BASP1: variants seen among roughly 807,000 people sequenced by gnomAD.
The protein encoded by BASP1 is brain abundant membrane attached signal protein 1.
BASP1 carries 1 observed loss-of-function variant against 2.2 expected under a neutral mutation model. The observed-to-expected ratio is 0.46, with a 90% CI of 0.16 to 2.17. The LOEUF is 2.17. BASP1 is among the 30% of genes most tolerant of loss of function. The pLI, the probability that BASP1 is intolerant of heterozygous loss-of-function variation, is 0.27. For synonymous variants in BASP1, 187 were observed against 154.2 expected, an observed-to-expected ratio of 1.21 and a Z score of -1.58; for missense variants, 352 against 327.2, an observed-to-expected ratio of 1.08 and a Z score of -0.58.
chr5:17,224,691 TATG>T (rs1297229573), intron 1 of BASP1, among the ~76,000 whole-genome samples: 1 of 152,216 alleles, frequency 6.6e-6, no homozygotes. Context: ...TCCTTTCTAG[TATG>T]ATGATTGTGG....
At chr5:17,252,312 A>G (rs1428421264) in intron 1 of BASP1, among the ~76,000 whole-genome samples, 2 of 152,240 alleles carry the variant, frequency 1.3e-5, no homozygotes. Flanking sequence ...GAAGGGCGCC[A>G]CAAGACCATG....
intron 1 of BASP1, among the ~76,000 whole-genome samples, chr5:17,218,169 C>A (rs1450012645): frequency 6.6e-6 from 1 of 150,682 alleles, no homozygotes; most frequent in Non-Finnish European, 1.5e-5. Context: ...CGTTGAGTCC[C>A]GGGGAGACGG....
chr5:17,247,301 G>T (rs1026866271), intron 1 of BASP1, among the ~76,000 whole-genome samples: 3 of 152,260 alleles, frequency 2.0e-5, no homozygotes, highest in African/African-American at 7.2e-5. Context: ...TTCTGAACAT[G>T]TAAAGTATAG....
chr5:17,258,741 T>C (rs898978958), intron 1 of BASP1, among the ~76,000 whole-genome samples: 2 of 152,162 alleles, frequency 1.3e-5, no homozygotes, highest in African/African-American at 4.8e-5. Flanking sequence ...ATACCCTCTG[T>C]TATGTTTTTA....
intron 1 of BASP1, among the ~76,000 whole-genome samples, chr5:17,250,839 C>T (rs1269736049): frequency 2.0e-5 from 3 of 151,900 alleles, no homozygotes; most frequent in Non-Finnish European, 4.4e-5. Context: ...CTACTGACCT[C>T]GTGATCCGCC....
At position 17,267,350 on chromosome 5, in the gene BASP1, G is replaced by T. The variant is rs74394422; in HGVS notation, c.-9-7858G>T. On this transcript the variant is annotated intron_variant, in intron 1 of 1. Coordinates refer to ENST00000322611, the MANE Select transcript of BASP1 (RefSeq NM_006317.5). ...ACCTGACTTTTCTGACAGTTATGAC[G>T]CTATTTGAGATGTCTTCAGTGAGCC... is the stretch of plus-strand genomic sequence containing the variant. 2.6e-3 allele frequency among the ~76,000 whole-genome samples: 397 copies of T among 152,236 alleles called. 1 individual carries two copies. Among genetic ancestry groups the T allele is most frequent in the Non-Finnish European group, 4.5e-3 (305 of 68,024 alleles).
intron 1 of BASP1, among the ~76,000 whole-genome samples, chr5:17,270,726 G>C (rs2126520738): frequency 6.6e-6 from 1 of 152,292 alleles, no homozygotes; most frequent in South Asian, 2.1e-4. Context: ...AATTATCTAA[G>C]AATTTTCAAA....
chr5:17,265,058 T>C (rs568606606), intron 1 of BASP1, among the ~76,000 whole-genome samples: 15 of 152,342 alleles, frequency 9.8e-5, no homozygotes, highest in African/African-American at 3.1e-4. Flanking sequence ...CAGTGATTCT[T>C]ATTACATTAC....
chr5:17,247,272 G>T (rs577783036), intron 1 of BASP1, among the ~76,000 whole-genome samples: 8 of 152,170 alleles, frequency 5.3e-5, no homozygotes, highest in African/African-American at 1.9e-4. Context: ...TTGGATTTCC[G>T]AATGTTGGAT....
chr5:17,276,672 C>G lies in BASP1; in HGVS notation c.*772C>G, dbSNP rs1467970577. 1 of 153,940 alleles carries G rather than the reference C, an allele frequency of 6.5e-6. No homozygotes were observed. Among genetic ancestry groups the G allele is most frequent in the Non-Finnish European group, 1.5e-5 (1 of 66,308 alleles). 9.5% of individuals were successfully genotyped at this position (153,940 alleles called of 1,614,324 possible). A position where few individuals can be genotyped will look rare whatever the true frequency, so the allele number is the denominator to read the frequency against. ...AAAAAAGTCTGCGTTCATTGCAGTTCCAGTTTCTCTTCCATTCTGTGTCAC... is the reference window on the plus strand; with the variant it reads ...AAAAAAGTCTGCGTTCATTGCAGTTGCAGTTTCTCTTCCATTCTGTGTCAC... On this transcript the variant is annotated 3_prime_UTR_variant, in exon 2 of 2. Transcript: ENST00000322611.
rs139893019 is a variant in BASP1, at chr5:17,264,370, C to T, written c.-9-10838C>T. Among the ~76,000 whole-genome samples, 171 of 152,054 alleles carry T rather than the reference C, an allele frequency of 1.1e-3. 5 individuals carry two copies. The East Asian group carries it at 0.029, about 25-fold the overall frequency. On this transcript the variant is annotated intron_variant, in intron 1 of 1. Coordinates refer to ENST00000322611, the MANE Select transcript of BASP1 (RefSeq NM_006317.5). Reference sequence around the variant, plus strand: ...TCTTTCCACTTGTGTAATTATAAACCCAACTTGTTGGTGATGGATTTGCTT... The same window carrying T: ...TCTTTCCACTTGTGTAATTATAAACTCAACTTGTTGGTGATGGATTTGCTT...
Position 17,275,552 on chromosome 5 carries a change from C to G in BASP1, c.336C>G (p.Gly112=). The G allele has an allele frequency of 1.4e-6, 2 of 1,399,634 alleles. No individual in the cohort carries two copies. The highest frequency in any genetic ancestry group is 9.2e-7 in the Non-Finnish European group (1 of 1,081,352). 86.7% of individuals were successfully genotyped at this position (1,399,634 alleles called of 1,614,324 possible). A position where few individuals can be genotyped will look rare whatever the true frequency, so the allele number is the denominator to read the frequency against. Residue 112 remains glycine, a synonymous_variant, in exon 2 of 2, where the codon GGC becomes GGG. Coordinates refer to ENST00000322611, the MANE Select transcript of BASP1 (RefSeq NM_006317.5). The surrounding 1 kb of genome is among the most constrained non-coding windows in gnomAD (Gnocchi z 5.3). ...CCGAGCAGGAGCAGGCGGCCCCCGG[C>G]CCCGCTGCGGGCGGCGAGGCCCCCA... ...KAPEQEQAAP[G]PAAGGEAPKA... is the part of the protein sequence containing the mutation.
At position 17,226,394 on chromosome 5, in the gene BASP1, T is replaced by G. The variant is rs140767753; in HGVS notation, c.-10+8584T>G. 2.5e-3 allele frequency among the ~76,000 whole-genome samples: 382 copies of G among 152,312 alleles called. 4 individuals carry two copies. The highest frequency in any genetic ancestry group is 8.7e-3 in the African/African-American group (360 of 41,562). ...AGTGACTTTGAAAAGACCCACTTCA[T>G]TTTTCCTTTGACAGTCTATTCAAAA... On this transcript the variant is annotated intron_variant, in intron 1 of 1. Coordinates refer to ENST00000322611, the MANE Select transcript of BASP1 (RefSeq NM_006317.5).
At chr5:17,222,907 A>G (rs1739419324) in intron 1 of BASP1, among the ~76,000 whole-genome samples, 1 of 152,212 alleles carries the variant, frequency 6.6e-6, no homozygotes. Flanking sequence ...TGCAAGCACC[A>G]CAGGGGCCCA....
intron 1 of BASP1, among the ~76,000 whole-genome samples, chr5:17,266,567 G>T (rs1203882090): frequency 6.6e-6 from 1 of 152,158 alleles, no homozygotes; most frequent in Non-Finnish European, 1.5e-5. Context: ...AGCACTTTAG[G>T]TGTCTGAGGC....
At chr5:17,265,401 TATCA>T (rs1364551647) in intron 1 of BASP1, among the ~76,000 whole-genome samples, 6 of 152,342 alleles carry the variant, frequency 3.9e-5, no homozygotes, top group South Asian at 2.1e-4. Flanking sequence ...AGCCTCTGCA[TATCA>T]AACCTTCTAA....
At position 17,267,647 on chromosome 5, in the gene BASP1, T is replaced by C. The variant is rs533061952; in HGVS notation, c.-9-7561T>C. The stretch of plus-strand genomic sequence containing the variant: ...GATTTTCCTGCTTCAGCCTCCCAAA[T>C]AGCTGGGACTATAGACGCACGCCAC... On this transcript the variant is annotated intron_variant, in intron 1 of 1. Coordinates refer to ENST00000322611, the MANE Select transcript of BASP1 (RefSeq NM_006317.5). Among the ~76,000 whole-genome samples the C allele has an allele frequency of 2.6e-5, 4 of 151,746 alleles. No homozygotes were observed. In the East Asian group the frequency reaches 7.8e-4, roughly 29 times the overall value.
intron 1 of BASP1, among the ~76,000 whole-genome samples, chr5:17,234,322 A>G (rs991517802): frequency 6.6e-6 from 1 of 152,170 alleles, no homozygotes; most frequent in African/African-American, 2.4e-5. Context: ...TTCCTGCTCT[A>G]TAAATATGTT....
chr5:17,240,385 A>T (rs1369396260), intron 1 of BASP1, among the ~76,000 whole-genome samples: 1 of 151,984 alleles, frequency 6.6e-6, no homozygotes, highest in East Asian at 1.9e-4. Context: ...AAAATACAAA[A>T]ATTAGCTGGG....
Sources: allele counts gnomAD v4.1 joint callset (sites outside exome capture counted in the v4.1 genomes callset), GRCh38; gene constraint gnomAD v4.1.1; non-coding constraint Gnocchi (gnomAD v3.1); transcripts MANE v1.5; gene names NCBI Gene and HGNC (gene_info 2026-07-23, HGNC 2026-07-21).